Variants in CLPX observed in about 807,000 individuals in gnomAD.
CLPX encodes the protein ATP-dependent clpX-like chaperone, mitochondrial.
A neutral mutation model predicts 76.4 loss-of-function variants in CLPX; 34 were observed. The ratio of observed to expected loss-of-function variants is 0.45; its 90% CI spans 0.34 to 0.59. CLPX has a LOEUF of 0.59. CLPX is among the 20% of genes least tolerant of loss of function. The pLI is 0.01. For synonymous variants in CLPX, 248 were observed against 270.9 expected (o/e 0.92, Z 0.83); for missense variants, 613 against 757.0 (o/e 0.81, Z 2.23).
chr15:65,179,596 A>G (rs919644085), intron 2 of CLPX, among the ~76,000 whole-genome samples: 2 of 152,262 alleles, frequency 1.3e-5, no homozygotes, highest in Non-Finnish European at 2.9e-5. Flanking sequence ...AACTACCAAC[A>G]TAAGTTATAC....
chr15:65,169,686 T>C (rs1262353440), intron 3 of CLPX, among the ~76,000 whole-genome samples: 1 of 151,824 alleles, frequency 6.6e-6, no homozygotes, highest in Non-Finnish European at 1.5e-5. Context: ...CATCGTGCCC[T>C]CTTATTATAA....
chr15:65,171,996 G>A (rs1465472319), intron 3 of CLPX, among the ~76,000 whole-genome samples: 1 of 151,958 alleles, frequency 6.6e-6, no homozygotes, highest in African/African-American at 2.4e-5. Flanking sequence ...GCACTTTTTT[G>A]TTTTGTTTTG....
intron 3 of CLPX, among the ~76,000 whole-genome samples, chr15:65,171,309 T>A (rs944269439): frequency 6.6e-6 from 1 of 151,786 alleles, no homozygotes; most frequent in Non-Finnish European, 1.5e-5. Flanking sequence ...TATCCGGGCG[T>A]GTTGTCTTGT....
chr15:65,160,623 TCACACACACACACACA>T (rs375655324), intron 6 of CLPX, among the ~76,000 whole-genome samples: 5 of 100,970 alleles, frequency 5.0e-5, no homozygotes, highest in Non-Finnish European at 8.4e-5. Flanking sequence ...TCTCTCTCTC[TCACACACACACACACA>T]CACACACACA....
chr15:65,157,003 C>T, intron 8 of CLPX, 71 bp from the exon 9 acceptor site: 1 of 924,514 alleles, frequency 1.1e-6, no homozygotes, highest in Non-Finnish European at 1.7e-6. Context: ...CTTTAAAATA[C>T]TTAGGTAGCT....
rs144771622 is a variant in CLPX at position 65,151,202 on chromosome 15, G to A, written c.1812-289C>T. ...TCTACTAAAAATACAAAAATTAGCC[G>A]GGTGTGGTGGCACACACCTGTAGTC... is the stretch of plus-strand genomic sequence containing the variant. On this transcript the variant is annotated intron_variant, in intron 13 of 13. Transcript: ENST00000300107. Among the ~76,000 whole-genome samples the A allele has an allele frequency of 6.2e-3, 941 of 151,712 alleles. 9 individuals carry two copies. The highest frequency in any genetic ancestry group is 0.021 in the African/African-American group (888 of 41,370).
chr15:65,158,691 T>C lies in CLPX; in HGVS notation c.776A>G (p.Gln259Arg), dbSNP rs1238184819. The change falls in exon 7 of 14, where the codon CAA becomes CGA. Residue 259 changes from glutamine (Q) to arginine (R), a missense_variant. Gln to Arg is a conservative substitution (Grantham distance 43, BLOSUM62 1). Transcript: ENST00000300107. ...CTGAGGTATTTGTTGATTTACCTGT[T>C]GCTGCATTGATGCTCCTAAAGCATT... Reference protein sequence around the residue: ...HGNALGASMQQQVNQQIPQEK... With the variant: ...HGNALGASMQRQVNQQIPQEK... 1.9e-6 allele frequency: 3 copies of C among 1,614,018 alleles called. No homozygotes were observed. The highest frequency in any genetic ancestry group is 2.5e-6 in the Non-Finnish European group (3 of 1,179,920).
chr15:65,177,495 A>G (rs1023251636), intron 3 of CLPX, among the ~76,000 whole-genome samples: 2 of 152,170 alleles, frequency 1.3e-5, no homozygotes, highest in African/African-American at 4.8e-5. Context: ...ACCTTTTCAT[A>G]TGGTGGCCAA....
intron 1 of CLPX, among the ~76,000 whole-genome samples, chr15:65,180,891 G>A (rs536241858): frequency 8.8e-5 from 13 of 147,856 alleles, no homozygotes; most frequent in East Asian, 5.9e-4. Flanking sequence ...GTGACATAGC[G>A]AGACTCCATC....
intron 4 of CLPX, among the ~76,000 whole-genome samples, chr15:65,165,479 G>T (rs2087899644): frequency 6.9e-6 from 1 of 145,454 alleles, no homozygotes. Flanking sequence ...CGCCTCCCGG[G>T]TTCACGCCAT....
At chr15:65,164,461 T>C (rs545503922) in intron 4 of CLPX, among the ~76,000 whole-genome samples, 12 of 152,300 alleles carry the variant, frequency 7.9e-5, no homozygotes, top group Non-Finnish European at 2.9e-5. Flanking sequence ...ATGCTATCAA[T>C]CTTTATTTTT....
At position 65,185,271 on chromosome 15, in the gene CLPX, C is replaced by A; in HGVS notation, c.-118G>T. 2 of 780,412 alleles carry A rather than the reference C, an allele frequency of 2.6e-6. No individual in the cohort carries two copies. Among genetic ancestry groups the A allele is most frequent in the South Asian group, 1.7e-5 (1 of 57,542 alleles). 48.3% of individuals were successfully genotyped at this position (780,412 alleles called of 1,614,324 possible). ...GAACCCTTTCGCGGGCCCTAGACCC[C>A]GTGGAGAGTTCACCTGCCCGGCAGC... On this transcript the variant is annotated 5_prime_UTR_variant, in exon 1 of 14. Transcript: ENST00000300107.
At chr15:65,155,570 T>C (rs2087778342) in intron 10 of CLPX, 122 bp downstream of exon 10, 1 of 846,330 alleles carries the variant, frequency 1.2e-6, no homozygotes, top group Middle Eastern at 3.0e-4. Context: ...TGATATGCTC[T>C]AAGAAAACCC....
chr15:65,156,852 C>T lies in CLPX; in HGVS notation c.1138G>A (p.Val380Ile), dbSNP rs2087795795. 1.9e-6 allele frequency: 3 copies of T among 1,610,722 alleles called. No homozygotes were observed. The highest frequency in any genetic ancestry group is 1.7e-5 in the Admixed American group (1 of 59,828). Residue 380 changes from valine to isoleucine, a missense_variant, in exon 9 of 14, where the codon GTT becomes ATT. Val to Ile is a conservative substitution (Grantham distance 29). Around this residue, in one of 2 missense-constraint regions of CLPX, gnomAD observed 450 missense variants for 638.6 expected, o/e 0.70. Transcript: ENST00000300107. ...HQLRDVGGEGVQQGLLKLLEG... is the reference protein window; with the variant it reads ...HQLRDVGGEGIQQGLLKLLEG... Reference sequence around the variant, plus strand: ...AATACTCAACTGCTTACTTGCTGAACGCCTTCTCCACCTACATCCCGTAAT... The same window carrying T: ...AATACTCAACTGCTTACTTGCTGAATGCCTTCTCCACCTACATCCCGTAAT...
At chr15:65,168,810 A>G (rs1020580790) in intron 3 of CLPX, among the ~76,000 whole-genome samples, 4 of 151,920 alleles carry the variant, frequency 2.6e-5, no homozygotes, top group Admixed American at 1.3e-4. Flanking sequence ...CTCAATTCCA[A>G]TGGATCAGCT....
At chr15:65,153,978 T>C (rs969495261) in intron 11 of CLPX, among the ~76,000 whole-genome samples, 4 of 152,216 alleles carry the variant, frequency 2.6e-5, no homozygotes, top group Non-Finnish European at 4.4e-5. Flanking sequence ...ATTAGCAAAC[T>C]AGCATTTATA....
At chr15:65,156,067 G>C (rs1347725120) in intron 9 of CLPX, among the ~76,000 whole-genome samples, 1 of 152,140 alleles carries the variant, frequency 6.6e-6, no homozygotes, top group African/African-American at 2.4e-5. Flanking sequence ...TACAGAACTT[G>C]ATGCATTGTA....
At position 65,185,199 on chromosome 15, in the gene CLPX, G is replaced by T. The variant is rs760078216; in HGVS notation, c.-46C>A. On this transcript the variant is annotated 5_prime_UTR_variant, in exon 1 of 14. Coordinates refer to ENST00000300107, the MANE Select transcript of CLPX (RefSeq NM_006660.5). ...GGCTTCGCCCCCTGAGGACCTCCGG[G>T]TCACAGCGGCGTGAATCCTGCCCGC... 1 of 1,487,970 alleles carries T rather than the reference G, an allele frequency of 6.7e-7. No individual in the cohort carries two copies. Among genetic ancestry groups the T allele is most frequent in the Non-Finnish European group, 9.2e-7 (1 of 1,092,276 alleles). The allele number at this position is 1,487,970 out of a possible 1,614,324, so 92.2% of individuals were successfully genotyped here. A position where few individuals can be genotyped will look rare whatever the true frequency, so the allele number is the denominator to read the frequency against.
chr15:65,166,616 G>C lies in CLPX; in HGVS notation c.513+15C>G, dbSNP rs1424952134. ...CAAGATAAAATACTTGTAAGACTGA[G>C]CTTAAGACTTATACCTTCTTAGGGG... On this transcript the variant is annotated intron_variant, in intron 4 of 13. Coordinates refer to ENST00000300107, the MANE Select transcript of CLPX (RefSeq NM_006660.5). 1 of 1,612,770 alleles carries C rather than the reference G, an allele frequency of 6.2e-7. No individual in the cohort carries two copies. Among genetic ancestry groups the C allele is most frequent in the Non-Finnish European group, 8.5e-7 (1 of 1,179,270 alleles).
Sources: gnomAD v4.1 joint callset for allele counts (sites outside exome capture counted in the v4.1 genomes callset) on GRCh38, gnomAD v4.1.1 for gene constraint, gnomAD v4.1.1 regional missense constraint, MANE v1.5 for transcripts, NCBI Gene and HGNC (gene_info 2026-07-23, HGNC 2026-07-21) for gene names.